MAK: variants seen among roughly 807,000 people sequenced by gnomAD.
MAK encodes the protein serine/threonine-protein kinase MAK.
Under a neutral mutation model 82.6 loss-of-function variants are expected in MAK, and 65 were observed. That is an observed-to-expected ratio of 0.79 (90% CI 0.64 to 0.97). The LOEUF (loss-of-function observed/expected upper bound fraction) is 0.97, where lower values mean the gene tolerates loss of function less well. MAK is among the 50% of genes least tolerant of loss of function. The pLI, the probability that MAK is intolerant of heterozygous loss-of-function variation, is 0.00. For missense variants in MAK, 703 were observed against 780.2 expected, an observed-to-expected ratio of 0.90 and a Z score of 1.18; for synonymous variants, 250 against 274.2, an observed-to-expected ratio of 0.91 and a Z score of 0.87.
At chr6:10,806,215 C>G (rs1776433497) in intron 6 of MAK, among the ~76,000 whole-genome samples, 2 of 148,868 alleles carry the variant, frequency 1.3e-5, no homozygotes, top group South Asian at 4.2e-4. Flanking sequence ...GCTCTTGTTG[C>G]CCAGGCTGGA....
intron 13 of MAK, among the ~76,000 whole-genome samples, chr6:10,771,838 T>A (rs1773047679): frequency 6.6e-6 from 1 of 152,250 alleles, no homozygotes; most frequent in Non-Finnish European, 1.5e-5. Context: ...CAGAAACTCA[T>A]TCTGAAACAC....
At chr6:10,802,612 G>A (rs521199) in intron 7 of MAK, 127,175 of 152,826 alleles carry the variant, frequency 0.83, 52,820 homozygotes, top group South Asian at 0.86. Flanking sequence ...TATAAATTTT[G>A]CAATATTAAG....
At position 10,770,027 on chromosome 6, in the gene MAK, G is replaced by A. The variant is rs1772852009; in HGVS notation, c.1792+84C>T. 3 of 1,610,504 alleles carry A rather than the reference G, an allele frequency of 1.9e-6. No individual in the cohort carries two copies. The African/African-American group carries it at 4.0e-5, about 21-fold the overall frequency. On this transcript the variant is annotated intron_variant, in intron 14 of 14. Transcript: ENST00000354489. ...TGAGGCTGACTAAAAGTCTTCGCTT[G>A]GGAAAAGTGACTGCATAAACTTAAA...
At chr6:10,816,672 C>A (rs552825660) in intron 4 of MAK, among the ~76,000 whole-genome samples, 4 of 152,176 alleles carry the variant, frequency 2.6e-5, no homozygotes, top group Admixed American at 1.3e-4. Context: ...CACTTACAAG[C>A]GTTTTCATAA....
intron 5 of MAK, among the ~76,000 whole-genome samples, chr6:10,811,525 C>T (rs936799375): frequency 2.0e-5 from 3 of 152,196 alleles, no homozygotes; most frequent in Admixed American, 6.5e-5. Flanking sequence ...ATGCTTCAGA[C>T]GTTGCTGACA....
chr6:10,788,439 T>C (rs563842811), intron 10 of MAK, among the ~76,000 whole-genome samples: 1 of 152,182 alleles, frequency 6.6e-6, no homozygotes, highest in African/African-American at 2.4e-5. Context: ...TTTTAAAAAA[T>C]GTTTTCAAGT....
chr6:10,795,959 C>A, intron 9 of MAK, 39 bp downstream of exon 9: 1 of 1,597,492 alleles, frequency 6.3e-7, no homozygotes, highest in South Asian at 1.1e-5. Flanking sequence ...TTGCACGAGT[C>A]AAACTATTTC....
intron 6 of MAK, among the ~76,000 whole-genome samples, chr6:10,805,571 GAAA>G (rs540676488): frequency 3.2e-5 from 4 of 126,594 alleles, no homozygotes; most frequent in South Asian, 2.5e-4. Context: ...TGGGTGACAG[GAAA>G]AAAAAAAAAA....
chr6:10,798,561 A>C (rs907540787), intron 8 of MAK, among the ~76,000 whole-genome samples: 1 of 152,156 alleles, frequency 6.6e-6, no homozygotes, highest in African/African-American at 2.4e-5. Flanking sequence ...AGAGTTCTCA[A>C]GACAAAAATA....
chr6:10,836,214 G>C (rs1779141123), intron 1 of MAK, among the ~76,000 whole-genome samples: 1 of 152,172 alleles, frequency 6.6e-6, no homozygotes, highest in Admixed American at 6.6e-5. Context: ...ACGTGACATA[G>C]ATTTTTAAAA....
At chr6:10,795,605 G>A (rs1172090316) in intron 9 of MAK, among the ~76,000 whole-genome samples, 1 of 152,038 alleles carries the variant, frequency 6.6e-6, no homozygotes, top group East Asian at 1.9e-4. Context: ...ATATCCAGGC[G>A]TGGTGGTGGG....
intron 2 of MAK, among the ~76,000 whole-genome samples, chr6:10,822,158 A>AC (rs1778003359): frequency 6.6e-6 from 1 of 150,522 alleles, no homozygotes; most frequent in East Asian, 1.9e-4. Flanking sequence ...AAAAAAAAAA[A>AC]AAAAAAAAAA....
chr6:10,821,387 T>C (rs1777929441), intron 2 of MAK, among the ~76,000 whole-genome samples: 1 of 152,184 alleles, frequency 6.6e-6, no homozygotes, highest in African/African-American at 2.4e-5. Context: ...GCGATTCTCC[T>C]ACCTCAGCCT....
chr6:10,825,479 A>C (rs1392719500), intron 2 of MAK, among the ~76,000 whole-genome samples: 1 of 148,110 alleles, frequency 6.8e-6, no homozygotes, highest in Non-Finnish European at 1.5e-5. Flanking sequence ...CTAAATGAGG[A>C]CCTCTTTTCT....
At chr6:10,835,798 AAG>A (rs35737562) in intron 1 of MAK, among the ~76,000 whole-genome samples, 2,332 of 152,284 alleles carry the variant, frequency 0.015, 53 homozygotes, top group South Asian at 0.048. Context: ...TGGAAACACA[AAG>A]AGTGACAAAA....
intron 9 of MAK, among the ~76,000 whole-genome samples, chr6:10,795,042 C>G (rs1239481866): frequency 6.6e-6 from 1 of 151,806 alleles, no homozygotes; most frequent in East Asian, 1.9e-4. Flanking sequence ...TCTCCATGTT[C>G]CTTAGCATTT....
At position 10,827,124 on chromosome 6, in the gene MAK, C is replaced by T. The variant is rs138076109; in HGVS notation, c.101+3424G>A. Reference sequence around the variant, plus strand: ...GAATCCATCTCAAAACAAAACAAAACAAATACCATATTTTTGAAGGATAAA... The same window carrying T: ...GAATCCATCTCAAAACAAAACAAAATAAATACCATATTTTTGAAGGATAAA... On this transcript the variant is annotated intron_variant, in intron 2 of 14. Transcript: ENST00000354489. 3.6e-4 allele frequency among the ~76,000 whole-genome samples: 55 copies of T among 152,094 alleles called. No homozygotes were observed. In the East Asian group the frequency reaches 9.5e-3, roughly 26 times the overall value.
In MAK at chr6:10,791,713, AC is replaced by A. The variant is rs1382310091; in HGVS notation, c.1277del (p.Gly426ValfsTer39). 1.2e-6 allele frequency: 2 copies of A among 1,613,802 alleles called. No homozygotes were observed. The highest frequency in any genetic ancestry group is 2.7e-5 in the African/African-American group (2 of 74,890). On this transcript the variant is annotated frameshift_variant, in exon 10 of 15. Coordinates refer to ENST00000354489, the MANE Select transcript of MAK (RefSeq NM_001242957.3). LOFTEE classifies it high-confidence loss of function. Reference sequence around the variant, plus strand: ...CTTTTTTCCTTTTTTCTTTAAAAACACCCATGCTTGGCTTCTTGGAATGGGA... The same window carrying A: ...CTTTTTTCCTTTTTTCTTTAAAAACACCATGCTTGGCTTCTTGGAATGGGA... ...GASHSKKPSM[G>X]VFKEKRKKDS...
At chr6:10,781,699 C>T (rs1246749371) in intron 11 of MAK, among the ~76,000 whole-genome samples, 1 of 152,130 alleles carries the variant, frequency 6.6e-6, no homozygotes, top group Non-Finnish European at 1.5e-5. Context: ...GCTGGGATTA[C>T]AGGCATGAGC....
Sources: gnomAD v4.1 joint callset for allele counts (sites outside exome capture counted in the v4.1 genomes callset) on GRCh38, gnomAD v4.1.1 for gene constraint, MANE v1.5 for transcripts, NCBI Gene and HGNC (gene_info 2026-07-23, HGNC 2026-07-21) for gene names.